The following STAU2 variants were observed in gnomAD, a reference collection of about 807,000 sequenced individuals.
STAU2 encodes the protein staufen double-stranded RNA binding protein 2.
STAU2 carries 20 observed loss-of-function variants against 65.9 expected under a neutral mutation model. The ratio of observed to expected loss-of-function variants is 0.30; its 90% CI spans 0.21 to 0.44. The LOEUF (loss-of-function observed/expected upper bound fraction) is 0.44. STAU2 is among the 20% of genes least tolerant of loss of function. STAU2 has a pLI of 1.00. For synonymous variants in STAU2, 232 were observed against 233.9 expected, an observed-to-expected ratio of 0.99 and a Z score of 0.07; for missense variants, 558 against 683.9, an observed-to-expected ratio of 0.82 and a Z score of 2.05.
chr8:73,657,957 T>G (rs1463998199), intron 6 of STAU2, among the ~76,000 whole-genome samples: 1 of 151,534 alleles, frequency 6.6e-6, no homozygotes, highest in African/African-American at 2.4e-5. Context: ...GAGGTTGCAG[T>G]GAACCAAGAT....
chr8:73,583,149 CTTT>C (rs111660605), intron 11 of STAU2, among the ~76,000 whole-genome samples: 6 of 141,576 alleles, frequency 4.2e-5, no homozygotes, highest in African/African-American at 5.2e-5. Flanking sequence ...AAAAATAAAT[CTTT>C]TTTTTTTTTT....
chr8:73,642,036 C>T (rs949165229), intron 6 of STAU2, among the ~76,000 whole-genome samples: 2 of 152,192 alleles, frequency 1.3e-5, no homozygotes, highest in East Asian at 1.9e-4. Flanking sequence ...TAGACTTACT[C>T]CTTAAGTGGG....
rs147069398 is a variant in STAU2, at chr8:73,513,914, G to A, written c.1530+38098C>T. On this transcript the variant is annotated intron_variant, in intron 13 of 14. Coordinates refer to ENST00000524300, the MANE Select transcript of STAU2 (RefSeq NM_001164380.2). ...CTGCAGGTGGGGGATGGGAGCACCC[G>A]CAGGCAGAAACACCACAAAATCCTA... is the stretch of plus-strand genomic sequence containing the variant. 5.5e-4 allele frequency among the ~76,000 whole-genome samples: 84 copies of A among 152,292 alleles called. 1 individual carries two copies. Among genetic ancestry groups the A allele is most frequent in the African/African-American group, 8.2e-4 (34 of 41,560 alleles).
chr8:73,520,886 T>G (rs1823002279), intron 13 of STAU2, among the ~76,000 whole-genome samples: 1 of 152,166 alleles, frequency 6.6e-6, no homozygotes. Flanking sequence ...TGTGAGATAA[T>G]GAGGTTCGTT....
intron 3 of STAU2, among the ~76,000 whole-genome samples, chr8:73,736,559 G>A (rs1049598490): frequency 6.6e-6 from 1 of 152,202 alleles, no homozygotes; most frequent in African/African-American, 2.4e-5. Context: ...GGGGAAGAGA[G>A]GTCCAGCAGA....
intron 6 of STAU2, 47 bp downstream of exon 6, chr8:73,673,042 GTGAGAAACTTTTATAACA>G: frequency 2.2e-6 from 3 of 1,378,428 alleles, no homozygotes; most frequent in Non-Finnish European, 2.9e-6. Context: ...TCTTTTGAGT[GTGAGAAACTTTTATAACA>G]TGGATAAAAT....
At chr8:73,455,428 G>T (rs1052431032) in intron 13 of STAU2, among the ~76,000 whole-genome samples, 3 of 152,098 alleles carry the variant, frequency 2.0e-5, no homozygotes, top group African/African-American at 7.2e-5. Context: ...TCATGTTTAG[G>T]AGGCTCACTG....
chr8:73,512,905 T>A (rs1328597561), intron 13 of STAU2, among the ~76,000 whole-genome samples: 1 of 152,210 alleles, frequency 6.6e-6, no homozygotes, highest in Non-Finnish European at 1.5e-5. Flanking sequence ...GATTCTTTAT[T>A]TGTTGAACCA....
At chr8:73,659,081 G>C (rs1271979633) in intron 6 of STAU2, among the ~76,000 whole-genome samples, 1 of 152,130 alleles carries the variant, frequency 6.6e-6, no homozygotes, top group Admixed American at 6.5e-5. Flanking sequence ...ACAGCTGGTG[G>C]ATAACGTTTT....
At chr8:73,513,159 C>T (rs1036349283) in intron 13 of STAU2, among the ~76,000 whole-genome samples, 21 of 152,006 alleles carry the variant, frequency 1.4e-4, no homozygotes, top group African/African-American at 4.8e-4. Context: ...ATGTTCTTCC[C>T]TCGGGATTGT....
chr8:73,645,598 G>T (rs1815310874), intron 6 of STAU2, among the ~76,000 whole-genome samples: 1 of 152,178 alleles, frequency 6.6e-6, no homozygotes, highest in African/African-American at 2.4e-5. Flanking sequence ...AATAAGGTAA[G>T]AAATGAAACA....
chr8:73,559,148 A>G, intron 12 of STAU2, among the ~76,000 whole-genome samples: 1 of 152,228 alleles, frequency 6.6e-6, no homozygotes, highest in East Asian at 1.9e-4. Flanking sequence ...TTGAAAATGT[A>G]CTATAGTTAT....
intron 6 of STAU2, among the ~76,000 whole-genome samples, chr8:73,666,267 T>C (rs1441521842): frequency 6.6e-6 from 1 of 152,236 alleles, no homozygotes; most frequent in Non-Finnish European, 1.5e-5. Flanking sequence ...TCAGCCTATA[T>C]AACATAAACT....
intron 5 of STAU2, among the ~76,000 whole-genome samples, chr8:73,679,458 A>G (rs186249639): frequency 3.7e-4 from 57 of 152,352 alleles, no homozygotes; most frequent in Non-Finnish European, 7.1e-4. Context: ...GTGAGTGCCC[A>G]AAGTGTGAGA....
chr8:73,436,513 T>C (rs947746068), intron 13 of STAU2, among the ~76,000 whole-genome samples: 5 of 151,814 alleles, frequency 3.3e-5, no homozygotes, highest in African/African-American at 1.2e-4. Context: ...AGGATAATAA[T>C]ACACTGAAGC....
chr8:73,527,866 G>C, intron 13 of STAU2: 1 of 459,732 alleles, frequency 2.2e-6, no homozygotes, highest in South Asian at 2.6e-5. Flanking sequence ...ATGCAAATAG[G>C]TCCTTTTGCA....
At chr8:73,513,805 T>C (rs1236155967) in intron 13 of STAU2, among the ~76,000 whole-genome samples, 1 of 152,146 alleles carries the variant, frequency 6.6e-6, no homozygotes, top group Non-Finnish European at 1.5e-5. Context: ...TCACATTCCA[T>C]TTCATATCAA....
chr8:73,434,110 T>C (rs1175555078), intron 13 of STAU2, among the ~76,000 whole-genome samples: 1 of 151,732 alleles, frequency 6.6e-6, no homozygotes, highest in Non-Finnish European at 1.5e-5. Flanking sequence ...AGAGAACATT[T>C]CCTGGCTGTG....
At chr8:73,495,861 C>G (rs1483180673) in intron 13 of STAU2, among the ~76,000 whole-genome samples, 1 of 151,364 alleles carries the variant, frequency 6.6e-6, no homozygotes, top group Non-Finnish European at 1.5e-5. Context: ...TCTCACAAGA[C>G]TGTCCACCTC....
Sources: allele counts gnomAD v4.1 joint callset (sites outside exome capture counted in the v4.1 genomes callset), GRCh38; gene constraint gnomAD v4.1.1; transcripts MANE v1.5; gene names NCBI Gene and HGNC (gene_info 2026-07-23, HGNC 2026-07-21).